The following SAMD12 variants were observed in gnomAD, a reference collection of about 807,000 sequenced individuals.
The protein encoded by SAMD12 is sterile alpha motif domain-containing protein 12.
A neutral mutation model predicts 15.0 loss-of-function variants in SAMD12; 9 were observed. That is an observed-to-expected ratio of 0.60 (90% confidence interval 0.36 to 1.05). SAMD12 has a LOEUF of 1.05. SAMD12 is among the 50% of genes least tolerant of loss of function. SAMD12 has a pLI of 0.01. For synonymous variants in SAMD12, 86 were observed against 90.1 expected, an observed-to-expected ratio of 0.96 and a Z score of 0.25; for missense variants, 230 against 234.2, an observed-to-expected ratio of 0.98 and a Z score of 0.12.
intron 3 of SAMD12, among the ~76,000 whole-genome samples, chr8:118,407,906 T>C (rs139974152): frequency 6.6e-6 from 1 of 152,228 alleles, no homozygotes; most frequent in East Asian, 1.9e-4. Flanking sequence ...GAACCTACTA[T>C]CTTACTATTA....
intron 3 of SAMD12, among the ~76,000 whole-genome samples, chr8:118,405,415 G>A (rs71508474): frequency 0.28 from 42,911 of 151,760 alleles, 6,111 homozygotes; most frequent in Admixed American, 0.32. Context: ...ATCTGAAGAC[G>A]AAATGTTAAG....
chr8:118,259,926 G>C (rs565551966), intron 4 of SAMD12, among the ~76,000 whole-genome samples: 1 of 152,146 alleles, frequency 6.6e-6, no homozygotes, highest in African/African-American at 2.4e-5. Context: ...AAATACATGG[G>C]ACTTAGATTC....
chr8:118,234,132 G>A (rs1260973974), intron 4 of SAMD12, among the ~76,000 whole-genome samples: 1 of 152,126 alleles, frequency 6.6e-6, no homozygotes, highest in Non-Finnish European at 1.5e-5. Flanking sequence ...AATTAGGGGA[G>A]AATTATTTTC....
chr8:118,140,140 CAATTG>C, the SAMD12 span, among the ~76,000 whole-genome samples: 4 of 152,054 alleles, frequency 2.6e-5, no homozygotes, highest in African/African-American at 9.7e-5. Context: ...AAAAATGGCA[CAATTG>C]AAGAAGAAGG....
At chr8:118,498,004 A>C (rs1193032363) in intron 2 of SAMD12, among the ~76,000 whole-genome samples, 1 of 152,222 alleles carries the variant, frequency 6.6e-6, no homozygotes, top group Non-Finnish European at 1.5e-5. Context: ...GAAAGTCAGG[A>C]AGTGGAAAGA....
At chr8:118,599,508 G>T (rs890838844) in intron 1 of SAMD12, among the ~76,000 whole-genome samples, 1 of 152,260 alleles carries the variant, frequency 6.6e-6, no homozygotes, top group East Asian at 1.9e-4. Flanking sequence ...TGCTGGTACC[G>T]CTTCTGTCAA....
chr8:118,193,086 T>A lies in SAMD12; in HGVS notation c.*4624A>T, dbSNP rs1263975689. On this transcript the variant is annotated 3_prime_UTR_variant, in exon 5 of 5. Coordinates refer to the SAMD12 transcript ENST00000409003. ...CCTTTTACATTTGTTGCTGGTAAAT[T>A]TCACCTGAAAAAATTTAGATTTTAG... is the stretch of plus-strand genomic sequence containing the variant. The A allele has an allele frequency of 2.6e-5, 4 of 152,224 alleles. No homozygotes were observed. The East Asian group carries it at 7.7e-4, about 29-fold the overall frequency. The allele number at this position is 152,224 out of a possible 1,614,324, so 9.4% of individuals were successfully genotyped here.
chr8:118,565,567 G>A (rs541790363), intron 2 of SAMD12, among the ~76,000 whole-genome samples: 1 of 152,326 alleles, frequency 6.6e-6, no homozygotes, highest in East Asian at 1.9e-4. Flanking sequence ...CACACCTCGT[G>A]TGACAAGTGT....
chr8:118,154,244 C>T, the SAMD12 span, among the ~76,000 whole-genome samples: 39 of 152,096 alleles, frequency 2.6e-4, no homozygotes, highest in African/African-American at 8.0e-4. Flanking sequence ...CCCTTTTCAG[C>T]GTCATTTCGT....
chr8:118,319,709 G>T (rs1000482218), intron 4 of SAMD12, among the ~76,000 whole-genome samples: 1 of 152,132 alleles, frequency 6.6e-6, no homozygotes, highest in Admixed American at 6.5e-5. Flanking sequence ...CAGAAGTAGG[G>T]GTGAGAAAGA....
At chr8:118,435,084 C>CA (rs1563858398) in intron 3 of SAMD12, among the ~76,000 whole-genome samples, 1 of 142,190 alleles carries the variant, frequency 7.0e-6, no homozygotes, top group African/African-American at 2.7e-5. Flanking sequence ...GCCTGGGCGA[C>CA]AGAGTGAGAC....
intron 2 of SAMD12, among the ~76,000 whole-genome samples, chr8:118,550,927 A>C (rs1826311698): frequency 6.6e-6 from 1 of 150,792 alleles, no homozygotes. Context: ...CAAAAGAGAC[A>C]AAGAAGGCCA....
At chr8:118,241,570 C>G (rs776029273) in intron 4 of SAMD12, among the ~76,000 whole-genome samples, 17 of 152,164 alleles carry the variant, frequency 1.1e-4, no homozygotes, top group Non-Finnish European at 1.9e-4. Flanking sequence ...TGGAAATAAT[C>G]CCAACTCTTG....
the SAMD12 span, among the ~76,000 whole-genome samples, chr8:118,168,039 T>C: frequency 6.6e-6 from 1 of 152,208 alleles, no homozygotes; most frequent in Non-Finnish European, 1.5e-5. Context: ...GTCTTTCCCA[T>C]GCTATTCTCG....
chr8:118,229,574 C>T (rs1812262797), intron 4 of SAMD12, among the ~76,000 whole-genome samples: 1 of 152,136 alleles, frequency 6.6e-6, no homozygotes, highest in Admixed American at 6.5e-5. Flanking sequence ...TCATCAAACA[C>T]TATTTTCATT....
chr8:118,424,928 G>A (rs1450640196), intron 3 of SAMD12, among the ~76,000 whole-genome samples: 1 of 144,746 alleles, frequency 6.9e-6, no homozygotes, highest in Non-Finnish European at 1.5e-5. Context: ...AAGAGAGCAT[G>A]TGGTATATTA....
chr8:118,562,829 A>G (rs1267101934), intron 2 of SAMD12, among the ~76,000 whole-genome samples: 1 of 152,204 alleles, frequency 6.6e-6, no homozygotes, highest in African/African-American at 2.4e-5. Flanking sequence ...TTGCCCTTTG[A>G]TGTAAATGGA....
At chr8:118,306,029 G>A (rs1815333095) in intron 4 of SAMD12, among the ~76,000 whole-genome samples, 1 of 152,146 alleles carries the variant, frequency 6.6e-6, no homozygotes, top group South Asian at 2.1e-4. Flanking sequence ...GTTACTTCGA[G>A]GTTCTGCCTT....
chr8:118,333,895 G>A (rs74490074), intron 4 of SAMD12, among the ~76,000 whole-genome samples: 3,543 of 134,584 alleles, frequency 0.026, 136 homozygotes, highest in African/African-American at 0.093. Flanking sequence ...TGGGGGATAT[G>A]TGTGTGTGTG....
Sources: gnomAD v4.1 joint callset for allele counts (sites outside exome capture counted in the v4.1 genomes callset) on GRCh38, gnomAD v4.1.1 for gene constraint, MANE v1.5 for transcripts, NCBI Gene and HGNC (gene_info 2026-07-23, HGNC 2026-07-21) for gene names.